The following ZNF695 variants were observed in gnomAD, a reference collection of about 807,000 sequenced individuals.
ZNF695 encodes zinc finger protein SBZF3.
In ZNF695, 11 loss-of-function variants were observed where a neutral mutation model predicts 11.2. That is an observed-to-expected ratio of 0.98 (90% CI 0.62 to 1.62). ZNF695 has a LOEUF of 1.62. Ranked by LOEUF, ZNF695 falls within the 40% of genes most tolerant of loss-of-function variation. The probability of loss-of-function intolerance (pLI) is 0.00; values close to 1 mark genes in which losing one functional copy is unlikely to be tolerated. For missense variants in ZNF695, 559 were observed against 590.5 expected (o/e 0.95, Z 0.55); for synonymous variants, 190 against 201.4 (o/e 0.94, Z 0.48).
At chr1:246,958,108 G>A (rs1254947439) in intron 5 of ZNF695, among the ~76,000 whole-genome samples, 1 of 151,570 alleles carries the variant, frequency 6.6e-6, no homozygotes, top group Non-Finnish European at 1.5e-5. Context: ...GCCCAGGCTG[G>A]AGTGCAGTGG....
chr1:246,989,250 A>G (rs921670154), intron 3 of ZNF695, among the ~76,000 whole-genome samples: 35 of 152,326 alleles, frequency 2.3e-4, no homozygotes, highest in African/African-American at 7.7e-4. Flanking sequence ...GGGCAACAAG[A>G]GTGAAACTTT....
chr1:246,960,807 C>T (rs1446636953), intron 5 of ZNF695, among the ~76,000 whole-genome samples: 2 of 152,118 alleles, frequency 1.3e-5, no homozygotes, highest in African/African-American at 4.8e-5. Context: ...GTGGTGCTCA[C>T]CTGCAGTCCC....
chr1:247,005,271 A>C (rs998428048), intron 1 of ZNF695, among the ~76,000 whole-genome samples: 2 of 152,242 alleles, frequency 1.3e-5, no homozygotes, highest in African/African-American at 4.8e-5. Context: ...AAGAACCAAG[A>C]AAAAAATCCA....
At chr1:246,981,398 A>T (rs1421927110), downstream of ZNF695, among the ~76,000 whole-genome samples, 2 of 152,240 alleles carry the variant, frequency 1.3e-5, no homozygotes, top group Non-Finnish European at 2.9e-5. Context: ...ACAAAAATAA[A>T]ATCAGTAGGT....
At chr1:246,946,240 G>A (rs140728628) in intron 5 of ZNF695, among the ~76,000 whole-genome samples, 1 of 152,178 alleles carries the variant, frequency 6.6e-6, no homozygotes, top group Non-Finnish European at 1.5e-5. Context: ...TTTTTCTTGA[G>A]TCTACCTATC....
At chr1:246,964,957 T>A (rs1030938872) in intron 5 of ZNF695, among the ~76,000 whole-genome samples, 1 of 152,180 alleles carries the variant, frequency 6.6e-6, no homozygotes, top group African/African-American at 2.4e-5. Context: ...GGGAACTTTA[T>A]GGGGTGATTG....
chr1:246,954,157 T>G (rs1260619534), intron 5 of ZNF695, among the ~76,000 whole-genome samples: 1 of 152,156 alleles, frequency 6.6e-6, no homozygotes, highest in Non-Finnish European at 1.5e-5. Flanking sequence ...GACTTCAGTT[T>G]GTCCTCAACT....
In ZNF695 at chr1:246,987,658, T is replaced by C. The variant is rs561269967; in HGVS notation, c.857A>G (p.His286Arg). 3.1e-6 allele frequency: 5 copies of C among 1,601,774 alleles called. No individual in the cohort carries two copies. In the South Asian group the frequency reaches 3.4e-5, roughly 11 times the overall value. ...TTTCTCTCCAGTATGAATTTTCTTATGTTTAGTAAGAACTGAGCACAGGTT... is the reference window on the plus strand; with the variant it reads ...TTTCTCTCCAGTATGAATTTTCTTACGTTTAGTAAGAACTGAGCACAGGTT... ...AFNLCSVLTK[H>R]KKIHTGEKPY... Residue 286 changes from histidine (H) to arginine (R), a missense_variant, in exon 4 of 4, where the codon CAT (histidine) becomes CGT (arginine). Physicochemically the swap from His to Arg is conservative, Grantham distance 29 (BLOSUM62 0). Transcript: ENST00000339986.
chr1:246,964,790 G>C (rs1397674588), intron 5 of ZNF695, among the ~76,000 whole-genome samples: 1 of 152,168 alleles, frequency 6.6e-6, no homozygotes, highest in African/African-American at 2.4e-5. Context: ...AGAATCACTT[G>C]CACCCAGGAG....
At chr1:246,948,850 C>A (rs918191016) in intron 5 of ZNF695, among the ~76,000 whole-genome samples, 1 of 152,168 alleles carries the variant, frequency 6.6e-6, no homozygotes, top group African/African-American at 2.4e-5. Context: ...TAAGCCTTGC[C>A]TCTCCCTAAG....
intron 1 of ZNF695, 90 bp downstream of exon 1, chr1:247,007,816 C>G (rs919010112): frequency 7.9e-5 from 112 of 1,423,646 alleles, no homozygotes; most frequent in Non-Finnish European, 1.0e-4. Context: ...CGCCGGGAGG[C>G]CCGGGGCCGC....
At chr1:247,001,488 G>A (rs1669380826) in intron 1 of ZNF695, among the ~76,000 whole-genome samples, 1 of 151,812 alleles carries the variant, frequency 6.6e-6, no homozygotes. Flanking sequence ...AAGGCAGGCA[G>A]ATCACTTGAG....
chr1:247,000,143 A>C, intron 1 of ZNF695, 69 bp from the exon 2 acceptor site: 1 of 1,352,090 alleles, frequency 7.4e-7, no homozygotes, highest in Non-Finnish European at 1.0e-6. Flanking sequence ...GCAAGGAGAG[A>C]CAGTGAAGAG....
At chr1:246,959,130 T>C (rs1668083581) in intron 5 of ZNF695, among the ~76,000 whole-genome samples, 3 of 149,516 alleles carry the variant, frequency 2.0e-5, no homozygotes, top group South Asian at 2.1e-4. Context: ...TACAACAAAA[T>C]TTAAAAATTA....
intron 3 of ZNF695, among the ~76,000 whole-genome samples, chr1:246,993,175 G>A (rs1263132876): frequency 6.6e-6 from 1 of 152,126 alleles, no homozygotes; most frequent in Non-Finnish European, 1.5e-5. Flanking sequence ...TTGGGAGGCC[G>A]AGGTTGGCAG....
chr1:246,991,705 G>C (rs1669038221), intron 3 of ZNF695, among the ~76,000 whole-genome samples: 1 of 152,154 alleles, frequency 6.6e-6, no homozygotes, highest in Non-Finnish European at 1.5e-5. Flanking sequence ...ATGAAGAACA[G>C]TTTGGAGGTT....
At chr1:246,990,046 AAG>A (rs1032990333) in intron 3 of ZNF695, among the ~76,000 whole-genome samples, 3 of 150,868 alleles carry the variant, frequency 2.0e-5, no homozygotes, top group African/African-American at 7.3e-5. Flanking sequence ...AAAGGAAAGG[AAG>A]AGAGAGATGA....
chr1:246,957,979 C>A (rs1668043381), intron 5 of ZNF695, among the ~76,000 whole-genome samples: 1 of 152,122 alleles, frequency 6.6e-6, no homozygotes, highest in Non-Finnish European at 1.5e-5. Flanking sequence ...TGACACTTCT[C>A]CCACAGAGAC....
chr1:246,985,597 G>T lies in ZNF695; in HGVS notation c.*1370C>A, dbSNP rs1169181510. ...ATCACTTAATGTACAACGGTCCAAAGACATTAAAACAATGTCTTATTAAAA... is the reference window on the plus strand; with the variant it reads ...ATCACTTAATGTACAACGGTCCAAATACATTAAAACAATGTCTTATTAAAA... On this transcript the variant is annotated 3_prime_UTR_variant, in exon 4 of 4. Coordinates refer to ENST00000339986, the MANE Select transcript of ZNF695 (RefSeq NM_020394.5). The T allele has an allele frequency of 8.5e-6, 8 of 944,872 alleles. No homozygotes were observed. The highest frequency in any genetic ancestry group is 9.9e-6 in the Non-Finnish European group (8 of 810,052). The allele number at this position is 944,872 out of a possible 1,614,324, so 58.5% of individuals were successfully genotyped here.
Sources: allele counts gnomAD v4.1 joint callset (sites outside exome capture counted in the v4.1 genomes callset), GRCh38; gene constraint gnomAD v4.1.1; transcripts MANE v1.5; gene names NCBI Gene and HGNC (gene_info 2026-07-23, HGNC 2026-07-21).